SLC36A3: variants seen among roughly 807,000 people sequenced by gnomAD.
The protein encoded by SLC36A3 is proton-coupled amino acid transporter 3.
Under a neutral mutation model 44.3 loss-of-function variants are expected in SLC36A3, and 35 were observed. The ratio of observed to expected loss-of-function variants is 0.79; its 90% CI spans 0.60 to 1.05. The LOEUF (loss-of-function observed/expected upper bound fraction) is 1.05, where lower values mean the gene tolerates loss of function less well. Among genes scored for constraint, SLC36A3 ranks in the 50% least tolerant of loss-of-function variants. The probability of loss-of-function intolerance (pLI) is 0.00; values close to 1 mark genes in which losing one functional copy is unlikely to be tolerated. For synonymous variants in SLC36A3, 211 were observed against 227.6 expected (o/e 0.93, Z 0.66); for missense variants, 540 against 578.7 (o/e 0.93, Z 0.69).
intron 3 of SLC36A3, 24 bp from the exon 4 acceptor site, chr5:151,293,483 C>T: frequency 6.3e-7 from 1 of 1,578,108 alleles, no homozygotes; most frequent in African/African-American, 1.3e-5. Context: ...ACAAACAATG[C>T]ATAATTTAAA....
rs936185398 is a variant in SLC36A3 at position 151,277,414 on chromosome 5, G to A, written c.1392C>T (p.Asn464=). Residue 464 remains asparagine (N), a synonymous_variant, in exon 10 of 10, where the codon AAC becomes AAT. Coordinates refer to ENST00000335230, the MANE Select transcript of SLC36A3 (RefSeq NM_181774.4). ...LPQPISHSMA[N]STGVHA is the part of the protein sequence containing the mutation. ...ATAATTATGCATGGACACCTGTGGA[G>A]TTGGCCATGGAATGGCTGATGGGTT... 7 of 1,614,070 alleles carry A rather than the reference G, an allele frequency of 4.3e-6. No homozygotes were observed. The highest frequency in any genetic ancestry group is 1.3e-5 in the African/African-American group (1 of 74,932).
chr5:151,285,905 A>G (rs1277481949), intron 6 of SLC36A3, among the ~76,000 whole-genome samples: 8 of 152,220 alleles, frequency 5.3e-5, no homozygotes, highest in Non-Finnish European at 1.2e-4. Context: ...GAATCCAGAA[A>G]GGAATGCTGC....
rs1406903427 is a variant in SLC36A3, at chr5:151,287,243, G to C, written c.708+3C>G. ...CTGATCCTTTCTTCCCTATGGCACA[G>C]ACCTCCATGATATACTCAAAGATCA... On this transcript the variant is annotated splice_donor_region_variant and intron_variant, in intron 6 of 9. Coordinates refer to ENST00000335230, the MANE Select transcript of SLC36A3 (RefSeq NM_181774.4). 5 of 1,614,042 alleles carry C rather than the reference G, an allele frequency of 3.1e-6. No individual in the cohort carries two copies. The highest frequency in any genetic ancestry group is 4.2e-6 in the Non-Finnish European group (5 of 1,179,990).
intron 3 of SLC36A3, among the ~76,000 whole-genome samples, chr5:151,293,887 G>A (rs1481548619): frequency 1.5e-5 from 2 of 134,438 alleles, no homozygotes; most frequent in African/African-American, 8.0e-5. Flanking sequence ...GGTGATACTC[G>A]GGATCCTGCC....
chr5:151,299,264 C>CTCTCTCTCTCTCTCTATATA (rs1372309288), intron 1 of SLC36A3, among the ~76,000 whole-genome samples: 15 of 59,634 alleles, frequency 2.5e-4, no homozygotes, highest in South Asian at 7.7e-4. Context: ...CTCTCTCTCT[C>CTCTCTCTCTCTCTCTATATA]TATATATATA....
At chr5:151,291,323 A>C (rs1240678037) in intron 4 of SLC36A3, among the ~76,000 whole-genome samples, 2 of 152,124 alleles carry the variant, frequency 1.3e-5, no homozygotes, top group Non-Finnish European at 2.9e-5. Flanking sequence ...CCATATTCAG[A>C]TTTCTCCAAT....
In SLC36A3 at chr5:151,296,378, G is replaced by A. The variant is rs765697474; in HGVS notation, c.220-110C>T. 69 of 887,980 alleles carry A rather than the reference G, an allele frequency of 7.8e-5. No individual in the cohort carries two copies. The Middle Eastern group carries it at 1.5e-3, about 19-fold the overall frequency. The allele number at this position is 887,980 out of a possible 1,614,324, so 55.0% of individuals were successfully genotyped here. A position where few individuals can be genotyped will look rare whatever the true frequency, so the allele number is the denominator to read the frequency against. On this transcript the variant is annotated intron_variant, in intron 2 of 9. Coordinates refer to ENST00000335230, the MANE Select transcript of SLC36A3 (RefSeq NM_181774.4). The stretch of plus-strand genomic sequence containing the variant: ...CTGTTGCATAATAAAACTGTCTTTG[G>A]GGTGACAGACCCAGCCTGAATGTCC...
intron 1 of SLC36A3, among the ~76,000 whole-genome samples, 186 bp from the exon 2 acceptor site, chr5:151,298,869 G>C (rs141360131): frequency 7.0e-4 from 106 of 152,300 alleles, no homozygotes; most frequent in African/African-American, 2.5e-3. Flanking sequence ...TGGGGATGGT[G>C]CTAGTTCAAG....
At chr5:151,290,802 G>A (rs1754730414) in intron 4 of SLC36A3, among the ~76,000 whole-genome samples, 1 of 152,072 alleles carries the variant, frequency 6.6e-6, no homozygotes, top group Admixed American at 6.6e-5. Context: ...GGCTGAGGCA[G>A]GAGAATGGCA....
intron 1 of SLC36A3, among the ~76,000 whole-genome samples, chr5:151,299,434 G>T (rs952390205): frequency 6.0e-5 from 9 of 149,546 alleles, no homozygotes; most frequent in Admixed American, 5.3e-4. Context: ...ATTATGCACT[G>T]GGTAAAATTT....
At chr5:151,296,616 A>AT (rs1754970142) in intron 2 of SLC36A3, 2 of 304,634 alleles carry the variant, frequency 6.6e-6, no homozygotes, top group Non-Finnish European at 1.2e-5. Context: ...TTCCTCCAAG[A>AT]TGATTGAGGG....
At position 151,281,635 on chromosome 5, in the gene SLC36A3, T is replaced by C. The variant is rs568472811; in HGVS notation, c.975-452A>G. 2.6e-5 allele frequency among the ~76,000 whole-genome samples: 4 copies of C among 152,138 alleles called. No homozygotes were observed. In the East Asian group the frequency reaches 7.7e-4, roughly 29 times the overall value. The stretch of plus-strand genomic sequence containing the variant: ...GAGTTCGACACCAGCCTGACCAATA[T>C]GGTGAAAGCTCGTCTCTAATAAAAA... On this transcript the variant is annotated intron_variant, in intron 8 of 9. Coordinates refer to ENST00000335230, the MANE Select transcript of SLC36A3 (RefSeq NM_181774.4).
chr5:151,284,786 G>T, intron 6 of SLC36A3, 75 bp from the exon 7 acceptor site: 2 of 1,119,184 alleles, frequency 1.8e-6, no homozygotes, highest in Non-Finnish European at 2.6e-6. Flanking sequence ...CTGGTAGAAA[G>T]CTGGGTCACA....
Position 151,293,477 on chromosome 5 carries a change from A to G in SLC36A3, c.309-18T>C. 6.3e-7 allele frequency: 1 copy of G among 1,591,802 alleles called. No homozygotes were observed. The highest frequency in any genetic ancestry group is 8.6e-7 in the Non-Finnish European group (1 of 1,163,954). ...TCTGCAGTCTAGGGGGAAAGAACAA[A>G]CAATGCATAATTTAAAACATTTTTG... On this transcript the variant is annotated intron_variant, in intron 3 of 9. Coordinates refer to ENST00000335230, the MANE Select transcript of SLC36A3 (RefSeq NM_181774.4).
At chr5:151,283,848 G>A (rs1754423297) in intron 8 of SLC36A3, among the ~76,000 whole-genome samples, 196 bp downstream of exon 8, 1 of 152,366 alleles carries the variant, frequency 6.6e-6, no homozygotes, top group Non-Finnish European at 1.5e-5. Flanking sequence ...TGGCAGAATT[G>A]CACTTCCCTG....
intron 8 of SLC36A3, 92 bp from the exon 9 acceptor site, chr5:151,281,275 G>A: frequency 7.7e-7 from 1 of 1,292,004 alleles, no homozygotes; most frequent in Non-Finnish European, 1.1e-6. Context: ...GGTATGGGTT[G>A]AGTATCCCTA....
At position 151,284,200 on chromosome 5, in the gene SLC36A3, A is replaced by G; in HGVS notation, c.818T>C (p.Leu273Pro). 1 of 1,607,340 alleles carries G rather than the reference A, an allele frequency of 6.2e-7. No individual in the cohort carries two copies. Among genetic ancestry groups the G allele is most frequent in the East Asian group, 2.2e-5 (1 of 44,804 alleles). ...CTGTGGATGCTTCATCTGGTTTTTG[A>G]GAGGCAGAACCTGGAGGGAAAAAAA... ...TFEGVGMVLP[L>P]KNQMKHPQQF... is the part of the protein sequence containing the mutation. Residue 273 changes from leucine to proline, a missense_variant, in exon 8 of 10, where the codon CTC (leucine) becomes CCC (proline). Coordinates refer to ENST00000335230, the MANE Select transcript of SLC36A3 (RefSeq NM_181774.4).
chr5:151,290,314 T>A (rs533832762), intron 4 of SLC36A3, among the ~76,000 whole-genome samples: 1 of 152,216 alleles, frequency 6.6e-6, no homozygotes, highest in South Asian at 2.1e-4. Context: ...GGTTCTCATA[T>A]CATCCTATTG....
chr5:151,298,206 A>G (rs2127271813), intron 2 of SLC36A3: 1 of 163,984 alleles, frequency 6.1e-6, no homozygotes, highest in East Asian at 1.8e-4. Flanking sequence ...GGAGGCGTCT[A>G]TCTTCATGTC....
Sources: allele counts gnomAD v4.1 joint callset (sites outside exome capture counted in the v4.1 genomes callset), GRCh38; gene constraint gnomAD v4.1.1; transcripts MANE v1.5; gene names NCBI Gene and HGNC (gene_info 2026-07-23, HGNC 2026-07-21).